The following ADGRL2 variants were observed in gnomAD, a reference collection of about 807,000 sequenced individuals.
ADGRL2 encodes adhesion G protein-coupled receptor L2.
In ADGRL2, 44 loss-of-function variants were observed where a neutral mutation model predicts 157.4. That is an observed-to-expected ratio of 0.28 (90% CI 0.22 to 0.36). ADGRL2 has a LOEUF of 0.36. Ranked by LOEUF, ADGRL2 falls within the 10% of genes least tolerant of loss-of-function variation. ADGRL2 has a pLI of 1.00. For synonymous variants in ADGRL2, 585 were observed against 624.7 expected (o/e 0.94, Z 0.95); for missense variants, 1,510 against 1,768.9 (o/e 0.85, Z 2.63).
At chr1:81,440,457 T>A (rs76580396) in intron 1 of ADGRL2, among the ~76,000 whole-genome samples, 3 of 152,158 alleles carry the variant, frequency 2.0e-5, no homozygotes, top group Non-Finnish European at 4.4e-5. Context: ...TTCTCCTAAT[T>A]ATGCCATTTC....
intron 2 of ADGRL2, among the ~76,000 whole-genome samples, chr1:81,861,629 C>T (rs1396242043): frequency 6.6e-6 from 1 of 152,184 alleles, no homozygotes; most frequent in Non-Finnish European, 1.5e-5. Context: ...TGGCTCATGC[C>T]TGTTTTCCCA....
At chr1:81,541,943 A>C (rs1457443434) in intron 2 of ADGRL2, among the ~76,000 whole-genome samples, 1 of 152,184 alleles carries the variant, frequency 6.6e-6, no homozygotes, top group Non-Finnish European at 1.5e-5. Context: ...GGGCAACAAG[A>C]GCAAAACTCC....
At chr1:81,435,448 T>C (rs148320103) in intron 1 of ADGRL2, among the ~76,000 whole-genome samples, 49 of 152,330 alleles carry the variant, frequency 3.2e-4, no homozygotes, top group Non-Finnish European at 6.5e-4. Context: ...CAGATGCTGA[T>C]TGTCGAGAGT....
chr1:81,467,872 T>TTAC (rs2078092674), intron 2 of ADGRL2, among the ~76,000 whole-genome samples: 1 of 131,782 alleles, frequency 7.6e-6, no homozygotes, highest in Non-Finnish European at 1.6e-5. Context: ...AAAAATGTTA[T>TTAC]GAAGTATAAA....
At chr1:81,355,202 A>T (rs959427675) in intron 1 of ADGRL2, among the ~76,000 whole-genome samples, 9 of 151,902 alleles carry the variant, frequency 5.9e-5, no homozygotes, top group African/African-American at 1.7e-4. Flanking sequence ...AAAACACATT[A>T]AAAAAAATTG....
At chr1:81,785,031 G>C (rs1218069744) in intron 2 of ADGRL2, among the ~76,000 whole-genome samples, 2 of 151,934 alleles carry the variant, frequency 1.3e-5, no homozygotes, top group Admixed American at 1.3e-4. Flanking sequence ...CTTGCTTAGT[G>C]GGGGAAAAAA....
At chr1:81,983,642 CT>C (rs145721679) in intron 19 of ADGRL2, among the ~76,000 whole-genome samples, 155 of 152,032 alleles carry the variant, frequency 1.0e-3, no homozygotes, top group African/African-American at 3.5e-3. Flanking sequence ...TCTTGTCTGT[CT>C]TGTAATTTCA....
At chr1:81,486,113 G>T (rs2078494953) in intron 2 of ADGRL2, among the ~76,000 whole-genome samples, 1 of 152,176 alleles carries the variant, frequency 6.6e-6, no homozygotes, top group African/African-American at 2.4e-5. Flanking sequence ...GAGGAGTTTG[G>T]TTTTCAAAAC....
At chr1:81,937,277 G>A (rs1236623820) in intron 4 of ADGRL2, among the ~76,000 whole-genome samples, 1 of 151,794 alleles carries the variant, frequency 6.6e-6, no homozygotes, top group Non-Finnish European at 1.5e-5. Flanking sequence ...CAGTAACTGA[G>A]GCAAGTGCTT....
chr1:81,366,259 TA>T (rs1260748634), intron 1 of ADGRL2, among the ~76,000 whole-genome samples: 2 of 151,270 alleles, frequency 1.3e-5, no homozygotes, highest in East Asian at 3.9e-4. Context: ...AGCTCTTCAC[TA>T]AGGAACCCAC....
At chr1:81,322,182 A>G (rs570119800) in intron 1 of ADGRL2, among the ~76,000 whole-genome samples, 12 of 149,836 alleles carry the variant, frequency 8.0e-5, no homozygotes, top group African/African-American at 2.9e-4. Flanking sequence ...ATGTATATAC[A>G]TATACATATA....
intron 2 of ADGRL2, among the ~76,000 whole-genome samples, chr1:81,764,357 G>C (rs1202305403): frequency 2.0e-5 from 3 of 151,892 alleles, no homozygotes. Context: ...ATTTATTATA[G>C]GGCAGAACTT....
At chr1:81,852,848 A>G (rs1239880430) in intron 2 of ADGRL2, among the ~76,000 whole-genome samples, 1 of 152,168 alleles carries the variant, frequency 6.6e-6, no homozygotes, top group Non-Finnish European at 1.5e-5. Flanking sequence ...CAACATAATG[A>G]ACTTTTTAGC....
At chr1:81,478,204 C>T (rs937054683) in intron 2 of ADGRL2, among the ~76,000 whole-genome samples, 1 of 152,138 alleles carries the variant, frequency 6.6e-6, no homozygotes, top group Non-Finnish European at 1.5e-5. Context: ...TTATCTCCAA[C>T]TAAAACTACA....
chr1:81,672,178 T>C (rs2082888956), intron 3 of ADGRL2, among the ~76,000 whole-genome samples: 1 of 152,212 alleles, frequency 6.6e-6, no homozygotes, highest in Non-Finnish European at 1.5e-5. Flanking sequence ...TTCTGTAGCC[T>C]TCTAAAACTC....
chr1:81,405,631 C>T (rs75941754), intron 1 of ADGRL2, among the ~76,000 whole-genome samples: 2 of 119,278 alleles, frequency 1.7e-5, no homozygotes, highest in Non-Finnish European at 3.5e-5. Flanking sequence ...GCCTGAATGA[C>T]AAAAAAAAAA....
At chr1:81,902,620 G>T (rs570731464) in intron 2 of ADGRL2, among the ~76,000 whole-genome samples, 2 of 151,552 alleles carry the variant, frequency 1.3e-5, no homozygotes, top group East Asian at 2.0e-4. Flanking sequence ...AACAAAGGGT[G>T]GGGGGCAGTT....
intron 1 of ADGRL2, among the ~76,000 whole-genome samples, chr1:81,400,821 G>C (rs771091443): frequency 3.3e-5 from 5 of 152,136 alleles, no homozygotes; most frequent in Non-Finnish European, 7.4e-5. Flanking sequence ...AGCGGGTCCA[G>C]CTCCAGGGAA....
intron 2 of ADGRL2, among the ~76,000 whole-genome samples, chr1:81,871,401 G>A (rs1416609383): frequency 6.6e-6 from 1 of 152,132 alleles, no homozygotes; most frequent in Non-Finnish European, 1.5e-5. Flanking sequence ...ACATATGTAT[G>A]CATGTGTCTT....
Sources: gnomAD v4.1 joint callset for allele counts (sites outside exome capture counted in the v4.1 genomes callset) on GRCh38, gnomAD v4.1.1 for gene constraint, MANE v1.5 for transcripts, NCBI Gene and HGNC (gene_info 2026-07-23, HGNC 2026-07-21) for gene names.